Variants in DMD observed in about 807,000 individuals in gnomAD.
The protein encoded by DMD is mutant dystrophin.
A neutral mutation model predicts 330.1 loss-of-function variants in DMD; 63 were observed. That is an observed-to-expected ratio of 0.19 (90% CI 0.16 to 0.24). The LOEUF (loss-of-function observed/expected upper bound fraction) is 0.24. Among genes scored for constraint, DMD ranks in the 10% least tolerant of loss-of-function variants. The pLI is 1.00. For missense variants in DMD, 3,344 were observed against 2,684.1 expected, an observed-to-expected ratio of 1.25 and a Z score of -5.43; for synonymous variants, 1,223 against 959.8, an observed-to-expected ratio of 1.27 and a Z score of -5.07.
intron 59 of DMD, among the ~76,000 whole-genome samples, chrX:31,469,998 G>A (rs765146275): frequency 3.6e-5 from 4 of 110,801 alleles, no homozygotes; most frequent in Admixed American, 9.7e-5. Context: ...CAAAGTTCTC[G>A]TGCTGTGTTT....
chrX:31,555,282 T>C (rs926994285), intron 55 of DMD, among the ~76,000 whole-genome samples: 5 of 111,636 alleles, frequency 4.5e-5, no homozygotes, highest in Admixed American at 1.9e-4. Flanking sequence ...TGGAAAGAGA[T>C]ACACATAATT....
rs141021512 is a variant in DMD, at chrX:32,897,251, A to C, written c.94-47431T>G. ...AATATTAATGGTGACCAAAATTTTAATGTTTTTAGAAAACATCACAGGTAA... is the reference window on the plus strand; with the variant it reads ...AATATTAATGGTGACCAAAATTTTACTGTTTTTAGAAAACATCACAGGTAA... On this transcript the variant is annotated intron_variant, in intron 2 of 78. Coordinates refer to ENST00000357033, the MANE Select transcript of DMD (RefSeq NM_004006.3). Among the ~76,000 whole-genome samples, 395 of 111,547 alleles carry C rather than the reference A, an allele frequency of 3.5e-3. 2 individuals are homozygous for C. Among genetic ancestry groups the C allele is most frequent in the African/African-American group, 0.012 (367 of 30,738 alleles).
intron 7 of DMD, among the ~76,000 whole-genome samples, chrX:32,744,346 C>T (rs1468190716): frequency 9.0e-6 from 1 of 110,894 alleles, no homozygotes; most frequent in Non-Finnish European, 1.9e-5. Flanking sequence ...GATCAACCCT[C>T]CCACCTCTCT....
intron 52 of DMD, among the ~76,000 whole-genome samples, chrX:31,696,005 T>TTCA (rs2083435787): frequency 8.9e-6 from 1 of 111,739 alleles, no homozygotes; most frequent in Non-Finnish European, 1.9e-5. Flanking sequence ...CCACAATGTA[T>TTCA]ATATATGGAT....
rs754801612 is a variant in DMD, at chrX:32,080,256, AAAC to A, written c.6439-111745_6439-111743del. ...TAGCCACATGGAATTTTAGGGCTGC[AAAC>A]AACAAGGAGAGGCACCTCCTTCTGT... On this transcript the variant is annotated intron_variant, in intron 44 of 78. Transcript: ENST00000357033. 3.6e-4 allele frequency among the ~76,000 whole-genome samples: 40 copies of A among 112,466 alleles called. 1 individual carries two copies. Among genetic ancestry groups the A allele is most frequent in the African/African-American group, 1.3e-3 (40 of 30,981 alleles).
At chrX:32,813,247 A>T (rs940769155) in intron 6 of DMD, among the ~76,000 whole-genome samples, 5 of 112,228 alleles carry the variant, frequency 4.5e-5, no homozygotes. Flanking sequence ...TTAAATATCT[A>T]TGACTTTCAA....
chrX:31,663,242 G>A (rs1309493672), intron 53 of DMD, among the ~76,000 whole-genome samples: 1 of 111,609 alleles, frequency 9.0e-6, no homozygotes, highest in Non-Finnish European at 1.9e-5. Flanking sequence ...TACCTGCTGT[G>A]CAGACCTTAC....
chrX:31,848,779 T>C (rs1402131886), intron 48 of DMD, among the ~76,000 whole-genome samples: 1 of 110,519 alleles, frequency 9.0e-6, no homozygotes, highest in Non-Finnish European at 1.9e-5. Flanking sequence ...ATGGAGTAAC[T>C]CTAAGCACCT....
intron 1 of DMD, among the ~76,000 whole-genome samples, chrX:33,128,785 C>T (rs747104760): frequency 8.9e-6 from 1 of 112,165 alleles, no homozygotes; most frequent in East Asian, 2.8e-4. Context: ...ACTCTAAAAA[C>T]GTCCAGTGCT....
chrX:32,564,831 T>C (rs1309023004), intron 16 of DMD, among the ~76,000 whole-genome samples: 1 of 111,595 alleles, frequency 9.0e-6, no homozygotes, highest in East Asian at 2.8e-4. Context: ...ACAAATTCCA[T>C]GTACTTGTCT....
At chrX:32,406,883 C>T (rs1269937422) in intron 30 of DMD, among the ~76,000 whole-genome samples, 10 of 110,944 alleles carry the variant, frequency 9.0e-5, no homozygotes, top group African/African-American at 3.0e-4. Flanking sequence ...GAAACGATTC[C>T]CTATTTAATA....
intron 4 of DMD, among the ~76,000 whole-genome samples, chrX:32,830,647 T>G (rs1179262149): frequency 8.9e-6 from 1 of 111,741 alleles, no homozygotes; most frequent in Non-Finnish European, 1.9e-5. Context: ...TGCCTTGAGT[T>G]TTTGCAGAAA....
intron 2 of DMD, among the ~76,000 whole-genome samples, chrX:32,887,578 T>A (rs1315386315): frequency 1.9e-5 from 2 of 104,392 alleles, no homozygotes; most frequent in East Asian, 6.1e-4. Context: ...CGAAACCCCG[T>A]CTCTACTAAA....
chrX:31,303,987 A>G (rs1270819691), intron 62 of DMD, among the ~76,000 whole-genome samples: 1 of 112,357 alleles, frequency 8.9e-6, no homozygotes, highest in East Asian at 2.8e-4. Flanking sequence ...TGACAAATGA[A>G]TCAATGAATG....
intron 13 of DMD, among the ~76,000 whole-genome samples, chrX:32,581,537 G>A (rs808565): frequency 0.21 from 23,894 of 111,411 alleles, 2,108 homozygotes; most frequent in East Asian, 0.63. Context: ...AATTTTAGAT[G>A]CAATAGACCA....
At chrX:33,156,172 TC>T (rs758154699) in intron 1 of DMD, among the ~76,000 whole-genome samples, 22 of 112,124 alleles carry the variant, frequency 2.0e-4, no homozygotes, top group African/African-American at 6.5e-4. Flanking sequence ...AGAGCAAGCA[TC>T]CATTGTGTTC....
At chrX:32,728,515 G>A (rs1414042510) in intron 7 of DMD, among the ~76,000 whole-genome samples, 1 of 111,617 alleles carries the variant, frequency 9.0e-6, no homozygotes, top group Non-Finnish European at 1.9e-5. Flanking sequence ...TTTATACGCA[G>A]CTGCTTTATT....
At chrX:32,491,752 T>C (rs1158110785) in intron 19 of DMD, among the ~76,000 whole-genome samples, 1 of 111,501 alleles carries the variant, frequency 9.0e-6, no homozygotes, top group East Asian at 2.8e-4. Context: ...AGACATAAGA[T>C]GTAGAAAATT....
Position 33,049,593 on chromosome X carries a change from C to CT in DMD, c.32-29394dup, listed in dbSNP as rs1254099264. ...GCCATTGAATCTCTGCATAGACTGC[C>CT]TTTTTTTTTGCTCTAAATACTAAAC... is the stretch of plus-strand genomic sequence containing the variant. On this transcript the variant is annotated intron_variant, in intron 1 of 78. Transcript: ENST00000357033. Among the ~76,000 whole-genome samples, 403 of 108,895 alleles carry CT rather than the reference C, an allele frequency of 3.7e-3. 1 individual carries two copies. Among genetic ancestry groups the CT allele is most frequent in the South Asian group, 8.7e-3 (22 of 2,536 alleles). The allele number at this position is 108,895 out of a possible 115,157, so 94.6% of individuals were successfully genotyped here.
Sources: allele counts gnomAD v4.1 joint callset (sites outside exome capture counted in the v4.1 genomes callset), GRCh38; gene constraint gnomAD v4.1.1; transcripts MANE v1.5; gene names NCBI Gene and HGNC (gene_info 2026-07-23, HGNC 2026-07-21).